Variants in EDIL3 observed in about 807,000 individuals in gnomAD.
EDIL3 encodes EGF-like repeat and discoidin I-like domain-containing protein 3.
Under a neutral mutation model 67.4 loss-of-function variants are expected in EDIL3, and 37 were observed. The observed-to-expected ratio is 0.55, with a 90% CI of 0.42 to 0.72. The LOEUF (loss-of-function observed/expected upper bound fraction) is 0.72. Among genes scored for constraint, EDIL3 ranks in the 30% least tolerant of loss-of-function variants. The pLI is 0.00. For synonymous variants in EDIL3, 195 were observed against 196.3 expected, an observed-to-expected ratio of 0.99 and a Z score of 0.05; for missense variants, 527 against 586.3, an observed-to-expected ratio of 0.90 and a Z score of 1.04.
intron 9 of EDIL3, among the ~76,000 whole-genome samples, chr5:83,980,366 G>T (rs1026332421): frequency 6.6e-5 from 10 of 151,808 alleles, no homozygotes; most frequent in African/African-American, 2.2e-4. Context: ...TAAATAAAAG[G>T]TATCTGGATT....
At chr5:84,121,595 AG>A (rs1220240622) in intron 5 of EDIL3, among the ~76,000 whole-genome samples, 2 of 149,814 alleles carry the variant, frequency 1.3e-5, no homozygotes, top group Non-Finnish European at 3.0e-5. Flanking sequence ...TTTTTTCAAT[AG>A]GTCCCCATTG....
At chr5:83,953,529 C>G (rs1376379252) in intron 10 of EDIL3, among the ~76,000 whole-genome samples, 1 of 151,750 alleles carries the variant, frequency 6.6e-6, no homozygotes, top group African/African-American at 2.4e-5. Context: ...ATTATTTTCA[C>G]TCATATATGA....
chr5:84,249,371 ATATCTTTC>A (rs1209055372), intron 2 of EDIL3, among the ~76,000 whole-genome samples: 15 of 142,070 alleles, frequency 1.1e-4, no homozygotes, highest in Non-Finnish European at 1.2e-4. Context: ...ACATAACAAC[ATATCTTTC>A]TATCTATCTA....
At chr5:84,154,988 C>T (rs1485897923) in intron 4 of EDIL3, among the ~76,000 whole-genome samples, 7 of 152,248 alleles carry the variant, frequency 4.6e-5, no homozygotes, top group South Asian at 2.1e-4. Context: ...GCATGAGCCA[C>T]GCGCCTAGCC....
chr5:84,098,349 G>A (rs1747303625), intron 6 of EDIL3, among the ~76,000 whole-genome samples: 2 of 152,082 alleles, frequency 1.3e-5, no homozygotes, highest in South Asian at 4.1e-4. Context: ...GTACTCAAAG[G>A]TTTCATTTGA....
intron 1 of EDIL3, among the ~76,000 whole-genome samples, chr5:84,255,141 T>C (rs978941871): frequency 2.2e-4 from 34 of 152,042 alleles, no homozygotes; most frequent in African/African-American, 8.2e-4. Context: ...CATTTGAAAG[T>C]AAAGGGAAGT....
At chr5:84,295,310 G>A (rs1032039730) in intron 1 of EDIL3, among the ~76,000 whole-genome samples, 4 of 151,922 alleles carry the variant, frequency 2.6e-5, no homozygotes, top group Non-Finnish European at 2.9e-5. Flanking sequence ...CTAAAATAAT[G>A]TTAGATGACA....
In EDIL3 at chr5:84,239,544, T is replaced by TA. The variant is rs1398775659; in HGVS notation, c.197-9661dup. On this transcript the variant is annotated intron_variant, in intron 2 of 10. Coordinates refer to ENST00000296591, the MANE Select transcript of EDIL3 (RefSeq NM_005711.5). ...AGCACATGTATGTTTATTGCGGCAC[T>TA]ATTCACAATAGCAAAAACTTGGAAC... Among the ~76,000 whole-genome samples, 3 of 152,292 alleles carry TA rather than the reference T, an allele frequency of 2.0e-5. No individual in the cohort carries two copies. The East Asian group carries it at 5.8e-4, about 29-fold the overall frequency.
intron 2 of EDIL3, among the ~76,000 whole-genome samples, chr5:84,234,929 C>T (rs573824105): frequency 6.6e-6 from 1 of 152,018 alleles, no homozygotes; most frequent in Non-Finnish European, 1.5e-5. Context: ...GATATTTATG[C>T]TTGATTATTT....
chr5:84,205,782 G>A (rs889507401), intron 3 of EDIL3, among the ~76,000 whole-genome samples: 13 of 151,968 alleles, frequency 8.6e-5, no homozygotes, highest in Non-Finnish European at 8.8e-5. Context: ...TTTTTATTGC[G>A]TCAATTTGAT....
rs555639030 is a variant in EDIL3, at chr5:84,132,190, G to A, written c.469+5051C>T. Among the ~76,000 whole-genome samples, 50 of 146,410 alleles carry A rather than the reference G, an allele frequency of 3.4e-4. 1 individual carries two copies. Among genetic ancestry groups the A allele is most frequent in the African/African-American group, 1.2e-3 (48 of 39,372 alleles). On this transcript the variant is annotated intron_variant, in intron 5 of 10. Transcript: ENST00000296591. ...GTGGAGGTTGCAGCCAGCCGACATC[G>A]CACTACAGCACTCTAGCCACCTGGG...
chr5:83,948,677 T>C (rs958324145), intron 10 of EDIL3, among the ~76,000 whole-genome samples: 11 of 151,826 alleles, frequency 7.2e-5, no homozygotes, highest in Admixed American at 5.9e-4. Flanking sequence ...TATACATCTA[T>C]ATCATATTAA....
chr5:83,981,678 G>T (rs1744974113), intron 9 of EDIL3, among the ~76,000 whole-genome samples: 1 of 151,940 alleles, frequency 6.6e-6, no homozygotes, highest in Non-Finnish European at 1.5e-5. Flanking sequence ...AAACAATTCT[G>T]CTACCCCAGA....
In EDIL3 at chr5:84,191,470, C is replaced by T. The variant is rs1158822587; in HGVS notation, c.227-10949G>A. Among the ~76,000 whole-genome samples the T allele has an allele frequency of 3.9e-5, 6 of 152,106 alleles. No homozygotes were observed. The East Asian group carries it at 9.7e-4, about 25-fold the overall frequency. On this transcript the variant is annotated intron_variant, in intron 3 of 10. Coordinates refer to ENST00000296591, the MANE Select transcript of EDIL3 (RefSeq NM_005711.5). The stretch of plus-strand genomic sequence containing the variant: ...ACAGGCAAGTTACTGTTTAGATTGC[C>T]TCCTCAGGTCTCACATGTGGCTTCC...
chr5:84,067,448 T>C (rs1347907166), intron 6 of EDIL3, among the ~76,000 whole-genome samples: 20 of 152,178 alleles, frequency 1.3e-4, no homozygotes, highest in Admixed American at 1.2e-3. Context: ...ATTGTAAACA[T>C]TAAAATTAAA....
chr5:84,102,077 C>A (rs892144063), intron 6 of EDIL3, among the ~76,000 whole-genome samples: 12 of 151,962 alleles, frequency 7.9e-5, no homozygotes, highest in Non-Finnish European at 1.5e-4. Context: ...ACCACATGAT[C>A]ATCTCAATAG....
chr5:84,261,875 C>G (rs1745228004), intron 1 of EDIL3, among the ~76,000 whole-genome samples: 1 of 152,106 alleles, frequency 6.6e-6, no homozygotes, highest in African/African-American at 2.4e-5. Flanking sequence ...AGACATTTTT[C>G]TTTTTAGCTA....
At chr5:84,306,424 A>G (rs951954200) in intron 1 of EDIL3, among the ~76,000 whole-genome samples, 10 of 152,246 alleles carry the variant, frequency 6.6e-5, no homozygotes, top group African/African-American at 2.2e-4. Flanking sequence ...ACTGGTAAAT[A>G]TTATTGTTAT....
chr5:84,337,715 T>C (rs1344746433), intron 1 of EDIL3, among the ~76,000 whole-genome samples: 3 of 152,176 alleles, frequency 2.0e-5, no homozygotes, highest in African/African-American at 7.2e-5. Flanking sequence ...ATATTTCCTG[T>C]AACTTTTTCA....
Sources: gnomAD v4.1 joint callset for allele counts (sites outside exome capture counted in the v4.1 genomes callset) on GRCh38, gnomAD v4.1.1 for gene constraint, MANE v1.5 for transcripts, NCBI Gene and HGNC (gene_info 2026-07-23, HGNC 2026-07-21) for gene names.